PLA2G4C: variants seen among roughly 807,000 people sequenced by gnomAD.
The protein encoded by PLA2G4C is cytosolic phospholipase A2 gamma.
A neutral mutation model predicts 73.8 loss-of-function variants in PLA2G4C; 64 were observed. That is an observed-to-expected ratio of 0.87 (90% CI 0.71 to 1.07). The LOEUF (loss-of-function observed/expected upper bound fraction) is 1.07. Among genes scored for constraint, PLA2G4C ranks in the 50% least tolerant of loss-of-function variants. PLA2G4C has a pLI of 0.00. For missense variants in PLA2G4C, 622 were observed against 665.4 expected (o/e 0.93, Z 0.72); for synonymous variants, 254 against 252.1 (o/e 1.01, Z -0.07).
intron 10 of PLA2G4C, among the ~76,000 whole-genome samples, chr19:48,079,337 A>G (rs780579898): frequency 1.3e-5 from 2 of 152,220 alleles, no homozygotes; most frequent in Non-Finnish European, 2.9e-5. Context: ...AGAACAATGG[A>G]ACAGAATAGA....
At chr19:48,057,493 T>C (rs1198646488) in intron 14 of PLA2G4C, among the ~76,000 whole-genome samples, 3 of 88,102 alleles carry the variant, frequency 3.4e-5, no homozygotes, top group African/African-American at 1.2e-4. Context: ...CTTTTTTTTT[T>C]TTTTTTTTTT....
intron 7 of PLA2G4C, among the ~76,000 whole-genome samples, chr19:48,093,598 A>G (rs2031420310): frequency 6.6e-6 from 1 of 152,162 alleles, no homozygotes; most frequent in Non-Finnish European, 1.5e-5. Flanking sequence ...AGGGTCCCAT[A>G]TGATCTGGAC....
At chr19:48,102,979 G>C (rs80326740) in intron 4 of PLA2G4C, among the ~76,000 whole-genome samples, 2 of 152,238 alleles carry the variant, frequency 1.3e-5, no homozygotes, top group East Asian at 1.9e-4. Context: ...GTCTGGGCTC[G>C]TAACAGCCCA....
At chr19:48,096,745 T>C (rs1417732246) in intron 6 of PLA2G4C, 1 of 151,952 alleles carries the variant, frequency 6.6e-6, no homozygotes, top group Non-Finnish European at 1.5e-5. Flanking sequence ...GCTTAGGAAA[T>C]AGGGTAAGGA....
intron 10 of PLA2G4C, among the ~76,000 whole-genome samples, chr19:48,078,267 A>C (rs771031841): frequency 5.9e-5 from 9 of 152,188 alleles, no homozygotes; most frequent in Admixed American, 4.6e-4. Flanking sequence ...ATTACACTGA[A>C]CAGGGAAAAG....
chr19:48,080,103 A>G (rs1367782220), intron 10 of PLA2G4C, among the ~76,000 whole-genome samples: 1 of 147,490 alleles, frequency 6.8e-6, no homozygotes, highest in African/African-American at 2.5e-5. Flanking sequence ...ATTATACAGA[A>G]CCTATAAGGA....
intron 13 of PLA2G4C, among the ~76,000 whole-genome samples, chr19:48,066,785 T>C (rs1340775354): frequency 1.3e-5 from 2 of 151,720 alleles, no homozygotes; most frequent in Admixed American, 6.6e-5. Flanking sequence ...GGCAACATAG[T>C]GAGACCCCAT....
intron 10 of PLA2G4C, among the ~76,000 whole-genome samples, chr19:48,084,060 G>A (rs867661470): frequency 1.1e-4 from 17 of 151,386 alleles, no homozygotes; most frequent in African/African-American, 4.1e-4. Context: ...GTGTGTGTGT[G>A]TGTGTGTGTG....
At chr19:48,091,291 T>C (rs2031281378) in intron 7 of PLA2G4C, among the ~76,000 whole-genome samples, 3 of 152,136 alleles carry the variant, frequency 2.0e-5, no homozygotes, top group Non-Finnish European at 4.4e-5. Flanking sequence ...ATTCAAGTGA[T>C]TCTCCTGCTT....
chr19:48,093,156 G>C (rs1178092713), intron 7 of PLA2G4C, among the ~76,000 whole-genome samples: 1 of 152,100 alleles, frequency 6.6e-6, no homozygotes, highest in Non-Finnish European at 1.5e-5. Context: ...GACCCCGTCT[G>C]TCCAGACCAG....
chr19:48,105,421 C>A lies in PLA2G4C; in HGVS notation c.32G>T (p.Gly11Val), dbSNP rs1158338030. The change falls in exon 3 of 17, where the codon GGG becomes GTG. Residue 11 changes from glycine (G) to valine (V), a missense_variant. Gly to Val is a moderately radical substitution (Grantham distance 109, BLOSUM62 -3). Transcript: ENST00000599921. The stretch of plus-strand genomic sequence containing the variant: ...GGCCGCCTTTTCTTCTTTCTGGAGC[C>A]CAGGAATTATGGAAACTTCAGAGCT... MGSSEVSIIP[G>V]LQKEEKAAVE... is the part of the protein sequence containing the mutation. 1 of 1,613,524 alleles carries A rather than the reference C, an allele frequency of 6.2e-7. No individual in the cohort carries two copies. Among genetic ancestry groups the A allele is most frequent in the Non-Finnish European group, 8.5e-7 (1 of 1,179,760 alleles).
chr19:48,100,395 G>A (rs564179192), intron 4 of PLA2G4C, among the ~76,000 whole-genome samples: 1 of 151,168 alleles, frequency 6.6e-6, no homozygotes, highest in Non-Finnish European at 1.5e-5. Flanking sequence ...GGCATGCGTG[G>A]TGGTGGGTAC....
rs138105821 is a variant in PLA2G4C, at chr19:48,110,506, G to C, written c.-52C>G. 1.3e-5 allele frequency: 14 copies of C among 1,077,348 alleles called. No homozygotes were observed. The South Asian group carries it at 1.9e-4, about 15-fold the overall frequency. 66.7% of individuals were successfully genotyped at this position (1,077,348 alleles called of 1,614,324 possible). On this transcript the variant is annotated 5_prime_UTR_variant, in exon 1 of 17. Coordinates refer to ENST00000599921, the MANE Select transcript of PLA2G4C (RefSeq NM_003706.3). ...GCTTGCCTGAGCCTGGGTCTGGGGC[G>C]TGTGCGCATGCGCGGTGGAGCTTGT...
intron 16 of PLA2G4C, among the ~76,000 whole-genome samples, chr19:48,049,419 C>A (rs765778351): frequency 6.6e-6 from 1 of 152,060 alleles, no homozygotes; most frequent in Non-Finnish European, 1.5e-5. Context: ...CTCAGCACAC[C>A]GCACGTTCGG....
At chr19:48,083,658 G>A (rs984553014) in intron 10 of PLA2G4C, among the ~76,000 whole-genome samples, 1 of 151,782 alleles carries the variant, frequency 6.6e-6, no homozygotes, top group Non-Finnish European at 1.5e-5. Context: ...CGTTGGTCAG[G>A]CTGGTCTCAA....
At chr19:48,099,916 TG>T in intron 4 of PLA2G4C, 56 bp from the exon 5 acceptor site, 3 of 1,262,766 alleles carry the variant, frequency 2.4e-6, no homozygotes, top group South Asian at 1.3e-5. Flanking sequence ...CGATGAAGAC[TG>T]GGGAAAGATG....
intron 14 of PLA2G4C, among the ~76,000 whole-genome samples, chr19:48,055,923 C>A (rs887691653): frequency 6.6e-6 from 1 of 151,842 alleles, no homozygotes; most frequent in Non-Finnish European, 1.5e-5. Context: ...CGCGCCCGGC[C>A]GTAAAGGTAC....
At chr19:48,091,572 T>A (rs1852051708) in intron 7 of PLA2G4C, among the ~76,000 whole-genome samples, 1 of 152,072 alleles carries the variant, frequency 6.6e-6, no homozygotes, top group Non-Finnish European at 1.5e-5. Context: ...AACACATTTG[T>A]ATATGATACA....
At chr19:48,080,306 T>C (rs1218535097) in intron 10 of PLA2G4C, among the ~76,000 whole-genome samples, 2 of 152,146 alleles carry the variant, frequency 1.3e-5, no homozygotes, top group African/African-American at 2.4e-5. Flanking sequence ...AGAATGGCCA[T>C]TGATAAAAAT....
Sources: allele counts gnomAD v4.1 joint callset (sites outside exome capture counted in the v4.1 genomes callset), GRCh38; gene constraint gnomAD v4.1.1; transcripts MANE v1.5; gene names NCBI Gene and HGNC (gene_info 2026-07-23, HGNC 2026-07-21).